Variants in GRM7 observed in about 807,000 individuals in gnomAD.
GRM7 encodes the protein glutamate metabotropic receptor 7, also known as metabotropic glutamate receptor 7.
Under a neutral mutation model 84.5 loss-of-function variants are expected in GRM7, and 35 were observed. The ratio of observed to expected loss-of-function variants is 0.41; its 90% CI spans 0.32 to 0.55. The LOEUF is 0.55. Among genes scored for constraint, GRM7 ranks in the 20% least tolerant of loss-of-function variants. The pLI is 0.19. For missense variants in GRM7, 1,003 were observed against 1,194.6 expected (o/e 0.84, Z 2.36); for synonymous variants, 487 against 455.1 (o/e 1.07, Z -0.89).
At chr3:7,320,228 A>C (rs979476150) in intron 4 of GRM7, among the ~76,000 whole-genome samples, 1 of 151,928 alleles carries the variant, frequency 6.6e-6, no homozygotes, top group African/African-American at 2.4e-5. Flanking sequence ...TGCTAGACTC[A>C]TGGCTGAGAC....
At position 7,137,073 on chromosome 3, in the gene GRM7, G is replaced by A. The variant is rs551903104; in HGVS notation, c.520-9379G>A. Among the ~76,000 whole-genome samples, 10 of 152,048 alleles carry A rather than the reference G, an allele frequency of 6.6e-5. No individual in the cohort carries two copies. In the East Asian group the frequency reaches 1.9e-3, roughly 29 times the overall value. ...GTTTATTGGATATAACTTAACTTTT[G>A]ATCATTCTTTCAGTCAACCAAAATA... is the stretch of plus-strand genomic sequence containing the variant. On this transcript the variant is annotated intron_variant, in intron 1 of 9. Transcript: ENST00000357716.
In GRM7 at chr3:7,702,015, T is replaced by C. The variant is rs561036207; in HGVS notation, c.2698+21720T>C. Among the ~76,000 whole-genome samples the C allele has an allele frequency of 9.5e-4, 145 of 152,160 alleles. 2 individuals carry two copies. The South Asian group carries it at 0.028, about 29-fold the overall frequency. On this transcript the variant is annotated intron_variant, in intron 9 of 9. Coordinates refer to ENST00000357716, the MANE Select transcript of GRM7 (RefSeq NM_000844.4). ...CATGCATTGGACCACATGAAGTCTA[T>C]ATAGAAGAAAAGGGAGGGAGCAGGG... is the stretch of plus-strand genomic sequence containing the variant.
intron 9 of GRM7, among the ~76,000 whole-genome samples, chr3:7,702,421 T>C (rs1701259237): frequency 6.6e-6 from 1 of 152,210 alleles, no homozygotes; most frequent in Non-Finnish European, 1.5e-5. Context: ...ACCTTTGCCA[T>C]GCATGCTGAT....
intron 8 of GRM7, among the ~76,000 whole-genome samples, chr3:7,631,730 AC>A (rs1378948951): frequency 6.6e-6 from 1 of 151,856 alleles, no homozygotes; most frequent in Non-Finnish European, 1.5e-5. Flanking sequence ...GCTGGTAGCA[AC>A]CCCCGTTTCC....
chr3:6,988,142 G>GCCC (rs1351864862), intron 1 of GRM7, among the ~76,000 whole-genome samples: 1 of 149,772 alleles, frequency 6.7e-6, no homozygotes, highest in Non-Finnish European at 1.5e-5. Context: ...GACTACAGGC[G>GCCC]GCCACCATCA....
rs189678926 is a variant in GRM7, at chr3:7,443,666, T to G, written c.1175-8941T>G. On this transcript the variant is annotated intron_variant, in intron 5 of 9. Coordinates refer to ENST00000357716, the MANE Select transcript of GRM7 (RefSeq NM_000844.4). ...ATCAGGTTTATGTCTCTCTCTCTCT[T>G]TCTGTGTTGATTTGGTTATGTATTT... Among the ~76,000 whole-genome samples the G allele has an allele frequency of 1.8e-4, 27 of 152,268 alleles. 1 individual carries two copies. The highest frequency in any genetic ancestry group is 3.8e-4 in the Non-Finnish European group (26 of 68,016).
intron 1 of GRM7, among the ~76,000 whole-genome samples, chr3:6,938,736 C>T (rs1395164293): frequency 1.3e-5 from 2 of 151,982 alleles, no homozygotes; most frequent in Non-Finnish European, 2.9e-5. Context: ...AATTCTGGAC[C>T]ATGAAGGTTT....
At chr3:7,375,214 C>CCTTTT (rs1553572613) in intron 4 of GRM7, among the ~76,000 whole-genome samples, 1 of 132,956 alleles carries the variant, frequency 7.5e-6, no homozygotes, top group African/African-American at 2.9e-5. Context: ...TAAACATCCC[C>CCTTTT]TTTTTTTTTT....
chr3:7,234,214 A>T (rs923828363), intron 2 of GRM7, among the ~76,000 whole-genome samples: 1 of 152,200 alleles, frequency 6.6e-6, no homozygotes, highest in African/African-American at 2.4e-5. Context: ...TTTGGAATTA[A>T]AAACCAAATT....
intron 4 of GRM7, among the ~76,000 whole-genome samples, chr3:7,329,500 G>C (rs1020863431): frequency 1.3e-5 from 2 of 152,134 alleles, no homozygotes; most frequent in Non-Finnish European, 2.9e-5. Flanking sequence ...ACTTCTCCTT[G>C]CCCTGCTTTG....
chr3:7,708,855 A>G (rs1054313927), intron 9 of GRM7, among the ~76,000 whole-genome samples: 7 of 151,894 alleles, frequency 4.6e-5, no homozygotes, highest in African/African-American at 1.7e-4. Context: ...AATGTAATTT[A>G]TACATAAATA....
chr3:7,632,448 A>G (rs1196400832), intron 8 of GRM7, among the ~76,000 whole-genome samples: 1 of 152,234 alleles, frequency 6.6e-6, no homozygotes, highest in East Asian at 1.9e-4. Flanking sequence ...GGGGAAATTA[A>G]TGTGCAGGAA....
At chr3:6,889,570 C>T (rs556822399) in intron 1 of GRM7, among the ~76,000 whole-genome samples, 9 of 152,268 alleles carry the variant, frequency 5.9e-5, no homozygotes, top group Non-Finnish European at 8.8e-5. Context: ...CCTTGCATCC[C>T]AGGGATGAAG....
chr3:7,710,795 C>A (rs1701553744), intron 9 of GRM7, among the ~76,000 whole-genome samples: 1 of 152,152 alleles, frequency 6.6e-6, no homozygotes, highest in South Asian at 2.1e-4. Flanking sequence ...CTTATCTCCC[C>A]AATTCTCAAT....
chr3:7,410,348 A>G (rs1175877104), intron 4 of GRM7, among the ~76,000 whole-genome samples: 1 of 152,076 alleles, frequency 6.6e-6, no homozygotes, highest in East Asian at 1.9e-4. Context: ...AAGCAGGTGG[A>G]TTGTTTGAAC....
At chr3:7,266,445 A>G (rs1698643014) in intron 2 of GRM7, among the ~76,000 whole-genome samples, 1 of 152,190 alleles carries the variant, frequency 6.6e-6, no homozygotes, top group Non-Finnish European at 1.5e-5. Flanking sequence ...ATTGCTTTTT[A>G]CAAGGCCACT....
chr3:7,324,373 G>A (rs180998876), intron 4 of GRM7, among the ~76,000 whole-genome samples: 7 of 152,240 alleles, frequency 4.6e-5, no homozygotes, highest in Non-Finnish European at 1.0e-4. Flanking sequence ...ACCTCACGGG[G>A]AACTTCAGTC....
At chr3:6,951,383 T>C (rs762750663) in intron 1 of GRM7, among the ~76,000 whole-genome samples, 52 of 152,158 alleles carry the variant, frequency 3.4e-4, no homozygotes, top group Non-Finnish European at 6.9e-4. Context: ...GGGTAATTGA[T>C]TTGAGGTCTT....
chr3:7,454,373 T>G (rs1055532819), intron 6 of GRM7, among the ~76,000 whole-genome samples: 4 of 152,126 alleles, frequency 2.6e-5, no homozygotes, highest in African/African-American at 9.7e-5. Flanking sequence ...TCTTAATGTT[T>G]CACATGCCAA....
Sources: allele counts gnomAD v4.1 joint callset (sites outside exome capture counted in the v4.1 genomes callset), GRCh38; gene constraint gnomAD v4.1.1; transcripts MANE v1.5; gene names NCBI Gene and HGNC (gene_info 2026-07-23, HGNC 2026-07-21).